KCNQ5: variants seen among roughly 807,000 people sequenced by gnomAD.
KCNQ5 encodes potassium voltage-gated channel subfamily Q member 5, also known as potassium voltage-gated channel subfamily KQT member 5.
Under a neutral mutation model 98.2 loss-of-function variants are expected in KCNQ5, and 30 were observed. That is an observed-to-expected ratio of 0.31 (90% CI 0.23 to 0.41). The LOEUF (loss-of-function observed/expected upper bound fraction) is 0.41. Among genes scored for constraint, KCNQ5 ranks in the 10% least tolerant of loss-of-function variants. KCNQ5 has a pLI of 1.00. For synonymous variants in KCNQ5, 458 were observed against 449.4 expected (o/e 1.02, Z -0.24); for missense variants, 835 against 1,182.5 (o/e 0.71, Z 4.31).
chr6:72,947,255 G>A (rs1766591611), intron 1 of KCNQ5, among the ~76,000 whole-genome samples: 4 of 152,136 alleles, frequency 2.6e-5, no homozygotes, highest in Non-Finnish European at 4.4e-5. Flanking sequence ...TATGAAATAG[G>A]CATTGTTTCA....
intron 1 of KCNQ5, among the ~76,000 whole-genome samples, chr6:72,708,642 C>T (rs565184734): frequency 1.5e-4 from 23 of 152,284 alleles, no homozygotes; most frequent in African/African-American, 5.3e-4. Flanking sequence ...CCACCTCAGC[C>T]TCCTGAGTAG....
intron 1 of KCNQ5, among the ~76,000 whole-genome samples, chr6:73,002,217 G>A (rs1769612583): frequency 6.6e-6 from 1 of 152,146 alleles, no homozygotes; most frequent in Non-Finnish European, 1.5e-5. Context: ...CTTTCCTCTT[G>A]GAGCCTTCTG....
intron 1 of KCNQ5, among the ~76,000 whole-genome samples, chr6:72,978,780 A>T (rs979596094): frequency 1.3e-5 from 2 of 152,152 alleles, no homozygotes; most frequent in African/African-American, 4.8e-5. Flanking sequence ...TGCACCCATT[A>T]ACTCGTCATT....
intron 1 of KCNQ5, among the ~76,000 whole-genome samples, chr6:72,969,943 G>C (rs1767796475): frequency 6.6e-6 from 1 of 152,102 alleles, no homozygotes; most frequent in Non-Finnish European, 1.5e-5. Flanking sequence ...TAGAAGATTG[G>C]CTCTAGGACA....
In KCNQ5 at chr6:73,196,540, A is replaced by C. The variant is rs1331723695; in HGVS notation, c.*1126A>C. On this transcript the variant is annotated 3_prime_UTR_variant, in exon 14 of 14. Transcript: ENST00000370398. ...AACTACCTAATCTTCCCTTATTCTT[A>C]TATATAAGCAGAGAATTTTTGCAAG... 6.6e-6 allele frequency: 1 copy of C among 152,256 alleles called. No individual in the cohort carries two copies. The highest frequency in any genetic ancestry group is 1.5e-5 in the Non-Finnish European group (1 of 68,042). The allele number at this position is 152,256 out of a possible 1,614,324, so 9.4% of individuals were successfully genotyped here. A position where few individuals can be genotyped will look rare whatever the true frequency, so the allele number is the denominator to read the frequency against.
chr6:72,865,106 A>T (rs1177020963), intron 1 of KCNQ5, among the ~76,000 whole-genome samples: 4 of 152,130 alleles, frequency 2.6e-5, no homozygotes, highest in South Asian at 4.1e-4. Flanking sequence ...CATAATCCTC[A>T]CTTGGAAAAT....
intron 5 of KCNQ5, among the ~76,000 whole-genome samples, chr6:73,079,091 C>T (rs1378735408): frequency 6.6e-6 from 1 of 152,126 alleles, no homozygotes; most frequent in Admixed American, 6.5e-5. Flanking sequence ...TGCTTGAGCT[C>T]AGGCATTTGA....
chr6:72,826,457 T>C (rs1304441999), intron 1 of KCNQ5, among the ~76,000 whole-genome samples: 1 of 151,778 alleles, frequency 6.6e-6, no homozygotes, highest in African/African-American at 2.4e-5. Flanking sequence ...TATTTCTAAT[T>C]GAAAAATGTC....
At chr6:72,974,832 C>A (rs571764850) in intron 1 of KCNQ5, among the ~76,000 whole-genome samples, 4 of 151,884 alleles carry the variant, frequency 2.6e-5, no homozygotes, top group Admixed American at 6.6e-5. Context: ...CTCCGCCTCC[C>A]GGGTTCAAGC....
intron 3 of KCNQ5, among the ~76,000 whole-genome samples, chr6:73,067,424 T>C (rs539889273): frequency 4.9e-4 from 75 of 152,220 alleles, no homozygotes; most frequent in African/African-American, 1.8e-3. Context: ...ACTAAAGGCT[T>C]TATATGTATT....
intron 10 of KCNQ5, among the ~76,000 whole-genome samples, chr6:73,144,779 T>C (rs1207610310): frequency 6.6e-6 from 1 of 152,240 alleles, no homozygotes; most frequent in Admixed American, 6.5e-5. Context: ...GAATTACTGC[T>C]CTTTGCTCAT....
At chr6:72,858,003 G>A (rs959790628) in intron 1 of KCNQ5, among the ~76,000 whole-genome samples, 3 of 152,238 alleles carry the variant, frequency 2.0e-5, no homozygotes, top group Admixed American at 2.0e-4. Context: ...TAGTGAGTAA[G>A]AAAAATATAT....
chr6:72,835,253 TCAA>T (rs1308725933), intron 1 of KCNQ5, among the ~76,000 whole-genome samples: 1 of 152,098 alleles, frequency 6.6e-6, no homozygotes, highest in East Asian at 1.9e-4. Context: ...AGGATTTTCA[TCAA>T]CATTACACGC....
chr6:73,049,943 A>C (rs1426482579), intron 3 of KCNQ5, among the ~76,000 whole-genome samples: 1 of 152,060 alleles, frequency 6.6e-6, no homozygotes, highest in African/African-American at 2.4e-5. Context: ...AGCACTTTAA[A>C]GGGAGAGCAA....
chr6:72,998,624 C>A (rs2350748), intron 1 of KCNQ5, among the ~76,000 whole-genome samples: 75,926 of 151,588 alleles, frequency 0.5, 22,196 homozygotes, highest in Non-Finnish European at 0.65. Flanking sequence ...GTAGTCCCAG[C>A]TACTCAGGAG....
chr6:73,194,542 T>G lies in KCNQ5; in HGVS notation c.1927T>G (p.Ser643Ala), dbSNP rs1765711357. The G allele has an allele frequency of 1.2e-6, 2 of 1,614,074 alleles. No homozygotes were observed. ...KGSASALALA[S>A]FQIPPFECEQ... ...CTCTGCCTCAGCCCTCGCTTTGGCT[T>G]CATTCCAGATCCCACCTTTTGAATG... Residue 643 changes from serine (S) to alanine (A), a missense_variant, in exon 14 of 14, where the codon TCA (serine) becomes GCA (alanine). Ser to Ala is a moderately conservative substitution (Grantham distance 99). This residue lies in a region of KCNQ5 where 416 missense variants were observed against 446.9 expected (regional missense o/e 0.93). Coordinates refer to ENST00000370398, the MANE Select transcript of KCNQ5 (RefSeq NM_019842.4).
At chr6:73,139,870 A>T (rs1776634095) in intron 10 of KCNQ5, among the ~76,000 whole-genome samples, 1 of 151,852 alleles carries the variant, frequency 6.6e-6, no homozygotes, top group African/African-American at 2.4e-5. Context: ...TCTCTTGGTG[A>T]CTCCTTCTTC....
chr6:73,150,667 T>C (rs1464019941), intron 10 of KCNQ5, among the ~76,000 whole-genome samples: 1 of 151,518 alleles, frequency 6.6e-6, no homozygotes, highest in African/African-American at 2.4e-5. Context: ...TATGGAATAC[T>C]ACTCAGCAGT....
intron 5 of KCNQ5, among the ~76,000 whole-genome samples, chr6:73,092,739 C>T (rs893007390): frequency 7.2e-5 from 11 of 152,066 alleles, no homozygotes; most frequent in African/African-American, 2.7e-4. Context: ...GTTAAACTAT[C>T]CCTGCATCCC....
Sources: gnomAD v4.1 joint callset for allele counts (sites outside exome capture counted in the v4.1 genomes callset) on GRCh38, gnomAD v4.1.1 for gene constraint, gnomAD v4.1.1 regional missense constraint, MANE v1.5 for transcripts, NCBI Gene and HGNC (gene_info 2026-07-23, HGNC 2026-07-21) for gene names.